DGKB: variants seen among roughly 807,000 people sequenced by gnomAD.
The protein encoded by DGKB is diacylglycerol kinase beta.
Under a neutral mutation model 114.3 loss-of-function variants are expected in DGKB, and 67 were observed. The observed-to-expected ratio is 0.59, with a 90% CI of 0.48 to 0.72. The LOEUF (loss-of-function observed/expected upper bound fraction) is 0.72. Among genes scored for constraint, DGKB ranks in the 30% least tolerant of loss-of-function variants. The pLI, the probability that DGKB is intolerant of heterozygous loss-of-function variation, is 0.00. For synonymous variants in DGKB, 398 were observed against 323.1 expected, an observed-to-expected ratio of 1.23 and a Z score of -2.49; for missense variants, 907 against 975.2, an observed-to-expected ratio of 0.93 and a Z score of 0.93.
chr7:14,215,436 C>T (rs17167970), intron 23 of DGKB, among the ~76,000 whole-genome samples: 5,303 of 152,108 alleles, frequency 0.035, 218 homozygotes, highest in African/African-American at 0.098. Flanking sequence ...ATCTCTTGCA[C>T]GTACACTCCC....
intron 23 of DGKB, among the ~76,000 whole-genome samples, chr7:14,299,447 A>T (rs189077985): frequency 2.6e-5 from 4 of 152,264 alleles, no homozygotes; most frequent in Admixed American, 2.0e-4. Flanking sequence ...TGGATAGATA[A>T]ATTACAGAAT....
At chr7:14,476,660 G>A (rs1323494545) in intron 21 of DGKB, among the ~76,000 whole-genome samples, 2 of 151,064 alleles carry the variant, frequency 1.3e-5, no homozygotes, top group East Asian at 3.9e-4. Flanking sequence ...TAAGAAAAAA[G>A]CAAATCATAA....
intron 20 of DGKB, among the ~76,000 whole-genome samples, chr7:14,523,626 A>G (rs988155368): frequency 6.6e-6 from 1 of 152,146 alleles, no homozygotes; most frequent in Non-Finnish European, 1.5e-5. Flanking sequence ...AAATAGTCAT[A>G]TATTATCTTG....
chr7:14,955,076 A>G (rs1424556723), intron 1 of DGKB, among the ~76,000 whole-genome samples: 3 of 152,046 alleles, frequency 2.0e-5, no homozygotes, highest in Admixed American at 6.6e-5. Context: ...GGGTTGTGAA[A>G]GGCAAGCAAA....
At chr7:14,595,617 A>C (rs1484525828) in intron 17 of DGKB, among the ~76,000 whole-genome samples, 2 of 150,156 alleles carry the variant, frequency 1.3e-5, no homozygotes, top group Non-Finnish European at 3.0e-5. Context: ...TGTATAAATA[A>C]ATACTTATCT....
At chr7:14,695,726 C>G (rs968983580) in intron 8 of DGKB, among the ~76,000 whole-genome samples, 1 of 151,752 alleles carries the variant, frequency 6.6e-6, no homozygotes, top group Non-Finnish European at 1.5e-5. Flanking sequence ...CCAGGTTGGC[C>G]TCAATCTCCT....
intron 20 of DGKB, among the ~76,000 whole-genome samples, chr7:14,521,373 C>T (rs537049676): frequency 1.6e-4 from 24 of 152,114 alleles, no homozygotes; most frequent in Non-Finnish European, 3.4e-4. Flanking sequence ...TTCTCTTTGT[C>T]TTTCCACAGT....
At chr7:14,260,564 A>C (rs1418253346) in intron 23 of DGKB, among the ~76,000 whole-genome samples, 3 of 152,182 alleles carry the variant, frequency 2.0e-5, no homozygotes. Context: ...AATAATAGGC[A>C]TTATTGCAAC....
chr7:14,360,852 G>A (rs1454764316), intron 21 of DGKB, among the ~76,000 whole-genome samples: 1 of 152,024 alleles, frequency 6.6e-6, no homozygotes, highest in Non-Finnish European at 1.5e-5. Flanking sequence ...ATCACTGAAA[G>A]GCCAGTTAAT....
intron 1 of DGKB, among the ~76,000 whole-genome samples, chr7:14,937,479 C>A (rs1466476887): frequency 1.4e-4 from 22 of 151,992 alleles, no homozygotes; most frequent in African/African-American, 5.3e-4. Context: ...AATAACATTA[C>A]TATATATAGT....
At chr7:14,276,533 C>A (rs1338946639) in intron 23 of DGKB, among the ~76,000 whole-genome samples, 1 of 151,974 alleles carries the variant, frequency 6.6e-6, no homozygotes, top group Non-Finnish European at 1.5e-5. Context: ...ATATATACAT[C>A]ACTATTCTAC....
At chr7:14,727,149 GATGAAA>G (rs1217124723) in intron 5 of DGKB, among the ~76,000 whole-genome samples, 1 of 151,970 alleles carries the variant, frequency 6.6e-6, no homozygotes, top group East Asian at 1.9e-4. Flanking sequence ...CAACCATTAA[GATGAAA>G]ATGAAAATAC....
intron 13 of DGKB, among the ~76,000 whole-genome samples, chr7:14,653,428 T>G (rs1430433904): frequency 1.3e-5 from 2 of 151,750 alleles, no homozygotes; most frequent in African/African-American, 4.8e-5. Flanking sequence ...CACCGCATAT[T>G]CTCACTCATA....
chr7:14,373,864 C>A (rs1266936483), intron 21 of DGKB, among the ~76,000 whole-genome samples: 1 of 151,824 alleles, frequency 6.6e-6, no homozygotes, highest in Non-Finnish European at 1.5e-5. Context: ...TTCATTTTTT[C>A]ATTTTTCTGA....
intron 20 of DGKB, among the ~76,000 whole-genome samples, chr7:14,482,256 T>A (rs1783091786): frequency 6.6e-6 from 1 of 152,058 alleles, no homozygotes. Flanking sequence ...ACTATTACTA[T>A]TACTGAAAAA....
At chr7:14,746,273 G>T (rs1285540369) in intron 4 of DGKB, among the ~76,000 whole-genome samples, 2 of 152,128 alleles carry the variant, frequency 1.3e-5, no homozygotes, top group Non-Finnish European at 2.9e-5. Flanking sequence ...GGCAGAGGTT[G>T]CAGTGAGCTG....
At chr7:14,793,617 G>A (rs1840998057) in intron 2 of DGKB, among the ~76,000 whole-genome samples, 1 of 152,112 alleles carries the variant, frequency 6.6e-6, no homozygotes, top group South Asian at 2.1e-4. Context: ...TTGCCAGGAG[G>A]AGAAGGATGT....
chr7:14,491,478 C>T (rs1349041260), intron 20 of DGKB, among the ~76,000 whole-genome samples: 2 of 151,996 alleles, frequency 1.3e-5, no homozygotes, highest in African/African-American at 4.8e-5. Flanking sequence ...TGGACTAATA[C>T]CCATCTTGTC....
At chr7:14,950,450 G>T (rs1384399381) in intron 1 of DGKB, among the ~76,000 whole-genome samples, 1 of 151,726 alleles carries the variant, frequency 6.6e-6, no homozygotes, top group Non-Finnish European at 1.5e-5. Flanking sequence ...AAGCTGTAGA[G>T]AAAATTAATG....
Sources: allele counts gnomAD v4.1 joint callset (sites outside exome capture counted in the v4.1 genomes callset), GRCh38; gene constraint gnomAD v4.1.1; transcripts MANE v1.5; gene names NCBI Gene and HGNC (gene_info 2026-07-23, HGNC 2026-07-21).